Variants in DYRK1A observed in about 807,000 individuals in gnomAD.
DYRK1A encodes dual specificity tyrosine phosphorylation regulated kinase 1A.
DYRK1A carries 9 observed loss-of-function variants against 79.7 expected under a neutral mutation model. That is an observed-to-expected ratio of 0.11 (90% CI 0.07 to 0.20). The LOEUF is 0.20. Among genes scored for constraint, DYRK1A ranks in the 10% least tolerant of loss-of-function variants. The pLI, the probability that DYRK1A is intolerant of heterozygous loss-of-function variation, is 1.00. For synonymous variants in DYRK1A, 349 were observed against 329.7 expected (o/e 1.06, Z -0.63); for missense variants, 622 against 956.0 (o/e 0.65, Z 4.61).
Position 37,409,875 on chromosome 21 carries a change from A to G in DYRK1A, c.-76-10424A>G, listed in dbSNP as rs567189436. The stretch of plus-strand genomic sequence containing the variant: ...GCAGTGAAGCTTTCAGAAGAATTCA[A>G]GTGATCACACAACATCATATCTGTG... On this transcript the variant is annotated intron_variant, in intron 1 of 11. Coordinates refer to ENST00000647188, the MANE Select transcript of DYRK1A (RefSeq NM_001347721.2). Among the ~76,000 whole-genome samples the G allele has an allele frequency of 2.9e-4, 44 of 152,336 alleles. 1 individual carries two copies. The South Asian group carries it at 4.1e-3, about 14-fold the overall frequency.
At chr21:37,458,707 GTA>G (rs2051741647) in intron 2 of DYRK1A, among the ~76,000 whole-genome samples, 1 of 152,180 alleles carries the variant, frequency 6.6e-6, no homozygotes, top group Admixed American at 6.5e-5. Flanking sequence ...ACTTTCAAAG[GTA>G]TTTCTCGTTT....
At position 37,472,754 on chromosome 21, in the gene DYRK1A, C is replaced by T. The variant is rs1224053638; in HGVS notation, c.81C>T (p.Gly27=). ...CGTCATTTTCATTCCATGCTGCTGGCCTTCAGATGGCTGGACAGATGCCCC... is the reference window on the plus strand; with the variant it reads ...CGTCATTTTCATTCCATGCTGCTGGTCTTCAGATGGCTGGACAGATGCCCC... ...LAPSFSFHAA[G]LQMAGQMPHS... is the part of the protein sequence containing the mutation. Residue 27 remains glycine, a synonymous_variant, in exon 3 of 12, where the codon GGC becomes GGT. Transcript: ENST00000647188. 1 of 1,612,700 alleles carries T rather than the reference C, an allele frequency of 6.2e-7. No homozygotes were observed. Among genetic ancestry groups the T allele is most frequent in the South Asian group, 1.1e-5 (1 of 90,942 alleles).
chr21:37,422,827 G>C (rs1409210563), intron 2 of DYRK1A, among the ~76,000 whole-genome samples: 1 of 152,050 alleles, frequency 6.6e-6, no homozygotes, highest in Non-Finnish European at 1.5e-5. Context: ...GAAAAAAATA[G>C]TTTTACTGAA....
chr21:37,523,379 T>G lies in DYRK1A; in HGVS notation c.*10848T>G, dbSNP rs1427461486. 2.0e-5 allele frequency: 3 copies of G among 152,140 alleles called. No individual in the cohort carries two copies. The East Asian group carries it at 5.8e-4, about 29-fold the overall frequency. 9.4% of individuals were successfully genotyped at this position (152,140 alleles called of 1,614,324 possible). ...TCTTTGTGAGAGGGGGCCCCAGGAT[T>G]ATGCCCCGGGATTAAAAGAAGCTGG... On this transcript the variant is annotated 3_prime_UTR_variant, in exon 12 of 12. Coordinates refer to ENST00000647188, the MANE Select transcript of DYRK1A (RefSeq NM_001347721.2).
intron 2 of DYRK1A, among the ~76,000 whole-genome samples, chr21:37,443,876 C>T (rs2051183618): frequency 6.6e-6 from 1 of 152,188 alleles, no homozygotes; most frequent in South Asian, 2.1e-4. Context: ...ACCCTGATGA[C>T]CTCATCTTAA....
At chr21:37,509,143 C>G (rs1461656490) in intron 11 of DYRK1A, among the ~76,000 whole-genome samples, 1 of 152,158 alleles carries the variant, frequency 6.6e-6, no homozygotes, top group African/African-American at 2.4e-5. Flanking sequence ...TGCCTTCTAG[C>G]CCCTCAATTT....
chr21:37,509,940 G>C (rs919729328), intron 11 of DYRK1A, among the ~76,000 whole-genome samples: 21 of 152,170 alleles, frequency 1.4e-4, no homozygotes, highest in African/African-American at 4.1e-4. Context: ...ATCTCATGCT[G>C]TCCCACCCTG....
chr21:37,400,334 A>G (rs1238304964), intron 1 of DYRK1A, among the ~76,000 whole-genome samples: 5 of 152,112 alleles, frequency 3.3e-5, no homozygotes, highest in Non-Finnish European at 7.3e-5. Context: ...TTTTCCCCCA[A>G]ATCATAAAAC....
chr21:37,435,258 A>C (rs1238160578), intron 2 of DYRK1A, among the ~76,000 whole-genome samples: 2 of 152,184 alleles, frequency 1.3e-5, no homozygotes, highest in Non-Finnish European at 2.9e-5. Context: ...ACCTAGTTTG[A>C]TTGGCTAGCA....
intron 1 of DYRK1A, among the ~76,000 whole-genome samples, chr21:37,388,667 C>T (rs77056085): frequency 4.9e-5 from 7 of 142,832 alleles, no homozygotes; most frequent in East Asian, 2.0e-4. Flanking sequence ...TTTTTTTTTT[C>T]GGAGTCTCGC....
intron 2 of DYRK1A, among the ~76,000 whole-genome samples, chr21:37,472,328 C>T (rs2052252757): frequency 6.6e-6 from 1 of 152,152 alleles, no homozygotes; most frequent in South Asian, 2.1e-4. Flanking sequence ...AGGAGCTGGT[C>T]TGTTGGAGAA....
At chr21:37,371,998 A>G (rs2049440649) in intron 1 of DYRK1A, among the ~76,000 whole-genome samples, 1 of 152,204 alleles carries the variant, frequency 6.6e-6, no homozygotes, top group African/African-American at 2.4e-5. Context: ...ATTTGATAAT[A>G]TAGAGCCATT....
intron 1 of DYRK1A, among the ~76,000 whole-genome samples, chr21:37,376,865 C>T (rs1446185518): frequency 6.6e-6 from 1 of 152,038 alleles, no homozygotes; most frequent in African/African-American, 2.4e-5. Context: ...AGATCATTTC[C>T]CCCTTCTCAT....
rs560629942 is a variant in DYRK1A, at chr21:37,371,729, T to A, written c.-77+4101T>A. Among the ~76,000 whole-genome samples, 4 of 152,326 alleles carry A rather than the reference T, an allele frequency of 2.6e-5. No individual in the cohort carries two copies. The East Asian group carries it at 7.7e-4, about 29-fold the overall frequency. On this transcript the variant is annotated intron_variant, in intron 1 of 11. Transcript: ENST00000647188. The stretch of plus-strand genomic sequence containing the variant: ...ATAGCTTAAAATGTGTCTTTGTTCT[T>A]GTCAGTGAATATTCTTGTTTTATCT...
At chr21:37,443,124 A>G (rs2051158497) in intron 2 of DYRK1A, among the ~76,000 whole-genome samples, 1 of 152,108 alleles carries the variant, frequency 6.6e-6, no homozygotes, top group Admixed American at 6.6e-5. Context: ...GTCCGCAACC[A>G]TAGACCAGGG....
At chr21:37,401,183 T>A (rs138737858) in intron 1 of DYRK1A, among the ~76,000 whole-genome samples, 1 of 152,202 alleles carries the variant, frequency 6.6e-6, no homozygotes, top group African/African-American at 2.4e-5. Flanking sequence ...TTGGACTATA[T>A]TTTTCTTATT....
chr21:37,442,817 A>T (rs1298024992), intron 2 of DYRK1A, among the ~76,000 whole-genome samples: 6 of 152,164 alleles, frequency 3.9e-5, no homozygotes, highest in Non-Finnish European at 7.4e-5. Flanking sequence ...GAATACATGG[A>T]GTACAGTTAT....
rs758923502 is a variant in DYRK1A, at chr21:37,512,588, T to C, written c.*57T>C. On this transcript the variant is annotated 3_prime_UTR_variant, in exon 12 of 12. Transcript: ENST00000647188. ...GTTTTTATAGAAGTGGTGTTTTTTT[T>C]CCAAAAACAAAGTGCAAAGCTGCTT... 114 of 1,572,422 alleles carry C rather than the reference T, an allele frequency of 7.2e-5. No homozygotes were observed. The highest frequency in any genetic ancestry group is 2.0e-4 in the Middle Eastern group (1 of 5,086).
intron 2 of DYRK1A, among the ~76,000 whole-genome samples, chr21:37,443,749 G>T (rs1234886885): frequency 6.6e-6 from 1 of 152,180 alleles, no homozygotes; most frequent in Non-Finnish European, 1.5e-5. Flanking sequence ...CTTGGCTTCT[G>T]CTGCATTACG....
Sources: allele counts gnomAD v4.1 joint callset (sites outside exome capture counted in the v4.1 genomes callset), GRCh38; gene constraint gnomAD v4.1.1; transcripts MANE v1.5; gene names NCBI Gene and HGNC (gene_info 2026-07-23, HGNC 2026-07-21).